The following ERICH3 variants were observed in gnomAD, a reference collection of about 807,000 sequenced individuals.
ERICH3 encodes the protein glutamate-rich protein 3.
In ERICH3, 126 loss-of-function variants were observed where a neutral mutation model predicts 131.1. The ratio of observed to expected loss-of-function variants is 0.96; its 90% confidence interval spans 0.83 to 1.11. ERICH3 has a LOEUF of 1.11. Ranked by LOEUF, ERICH3 falls within the 50% of genes most tolerant of loss-of-function variation. The pLI, the probability that ERICH3 is intolerant of heterozygous loss-of-function variation, is 0.00. For synonymous variants in ERICH3, 695 were observed against 644.6 expected (o/e 1.08, Z -1.18); for missense variants, 2,050 against 1,810.7 (o/e 1.13, Z -2.40).
At chr1:74,614,998 A>G (rs760246075) in intron 8 of ERICH3, among the ~76,000 whole-genome samples, 24 of 152,190 alleles carry the variant, frequency 1.6e-4, no homozygotes, top group Non-Finnish European at 2.6e-4. Context: ...CAGTTCAGGA[A>G]GAGAGTGCAC....
chr1:74,664,420 A>T (rs926038889), intron 1 of ERICH3, among the ~76,000 whole-genome samples: 1 of 152,138 alleles, frequency 6.6e-6, no homozygotes, highest in African/African-American at 2.4e-5. Context: ...CAACAGAAAC[A>T]ATATTATGGC....
intron 1 of ERICH3, among the ~76,000 whole-genome samples, chr1:74,671,727 T>A (rs1420765213): frequency 6.6e-6 from 1 of 152,204 alleles, no homozygotes; most frequent in East Asian, 1.9e-4. Flanking sequence ...CGTATGCACA[T>A]AATAAATATT....
intron 5 of ERICH3, among the ~76,000 whole-genome samples, chr1:74,637,185 C>T (rs1252867025): frequency 6.6e-6 from 1 of 152,106 alleles, no homozygotes; most frequent in African/African-American, 2.4e-5. Flanking sequence ...CCACTAGTGA[C>T]AGGCACTAGC....
rs755326610 is a variant in ERICH3 at position 74,571,700 on chromosome 1, A to G, written c.4010T>C (p.Val1337Ala). The change falls in exon 14 of 15, where the codon GTT (valine) becomes GCT (alanine). Residue 1337 changes from valine (V) to alanine (A), a missense_variant. Val to Ala is a moderately conservative substitution (Grantham distance 64, BLOSUM62 0). Coordinates refer to ENST00000326665, the MANE Select transcript of ERICH3 (RefSeq NM_001002912.5). ...TCCGTGTAGAACTTCCACAGCCACA[A>G]CCCTTCCTCCTCCCATGCCCTCATT... ...QKNEGMGGGRVVAVEVLHGGG... is the reference protein window; with the variant it reads ...QKNEGMGGGRAVAVEVLHGGG... 5.6e-6 allele frequency: 9 copies of G among 1,613,480 alleles called. No individual in the cohort carries two copies. In the East Asian group the frequency reaches 8.9e-5, roughly 16 times the overall value.
At chr1:74,615,936 C>G (rs576026482) in intron 8 of ERICH3, among the ~76,000 whole-genome samples, 1 of 152,218 alleles carries the variant, frequency 6.6e-6, no homozygotes, top group Admixed American at 6.5e-5. Context: ...GGCAAGCTAA[C>G]AGGGAAGGTC....
In ERICH3 at chr1:74,631,923, C is replaced by T. The variant is rs571349247; in HGVS notation, c.609G>A (p.Lys203=). 2 of 1,611,018 alleles carry T rather than the reference C, an allele frequency of 1.2e-6. No individual in the cohort carries two copies. Among genetic ancestry groups the T allele is most frequent in the Admixed American group, 1.7e-5 (1 of 59,880 alleles). The stretch of plus-strand genomic sequence containing the variant: ...AGTTCCTGAACTTCATCACTGCCTT[C>T]TTGCCCTGTAATCATATTTCATCGC... ...ENEALFPIGG[K]KAVMKFRNSI... Residue 203 remains lysine, a synonymous_variant, in exon 7 of 15, where the codon AAG becomes AAA. Transcript: ENST00000326665.
rs773567607 is a variant in ERICH3 at position 74,631,793 on chromosome 1, C to A, written c.739G>T (p.Glu247Ter). The A allele has an allele frequency of 6.2e-7, 1 of 1,613,470 alleles. No homozygotes were observed. Among genetic ancestry groups the A allele is most frequent in the South Asian group, 1.1e-5 (1 of 91,074 alleles). The change falls in exon 7 of 15, where the codon GAA (glutamate) becomes TAA (stop). Residue 247 changes from glutamate (E) to a stop codon, truncating the protein, a stop_gained. Transcript: ENST00000326665. LOFTEE classifies it high-confidence loss of function. ...CTTCTCCATGTTTCAGATCTATTTTCTCTTGTGATTTTCCCAGTTGGGGGA... is the reference window on the plus strand; with the variant it reads ...CTTCTCCATGTTTCAGATCTATTTTATCTTGTGATTTTCCCAGTTGGGGGA... ...PLPPTGKITR[E>*]NRSETWRRRR...
At position 74,571,921 on chromosome 1, in the gene ERICH3, T is replaced by C. The variant is rs1405149399; in HGVS notation, c.3789A>G (p.Gly1263=). ...GLEGRAEGQG[G]VDVVLRTQEA... ...CCTGGGTCCTTAGCACGACATCCAC[T>C]CCTCCTTGCCCTTCAGCTCTCCCCT... is the stretch of plus-strand genomic sequence containing the variant. Residue 1263 remains glycine, a synonymous_variant, in exon 14 of 15, where the codon GGA becomes GGG. Transcript: ENST00000326665. 1 of 1,612,570 alleles carries C rather than the reference T, an allele frequency of 6.2e-7. No individual in the cohort carries two copies. Among genetic ancestry groups the C allele is most frequent in the Non-Finnish European group, 8.5e-7 (1 of 1,179,760 alleles).
intron 11 of ERICH3, among the ~76,000 whole-genome samples, chr1:74,594,901 T>G (rs1227104289): frequency 1.3e-5 from 2 of 152,146 alleles, no homozygotes; most frequent in African/African-American, 4.8e-5. Flanking sequence ...GTTTATTAGC[T>G]GGAAGCACCT....
intron 5 of ERICH3, among the ~76,000 whole-genome samples, chr1:74,640,679 G>C (rs1646430261): frequency 6.6e-6 from 1 of 152,122 alleles, no homozygotes; most frequent in Non-Finnish European, 1.5e-5. Context: ...ACCACTTTTA[G>C]ATTAGAAATG....
intron 1 of ERICH3, among the ~76,000 whole-genome samples, chr1:74,651,371 A>C (rs1646532351): frequency 6.6e-6 from 1 of 152,152 alleles, no homozygotes; most frequent in Non-Finnish European, 1.5e-5. Context: ...TGCAAAAGCC[A>C]TTATTTCCCT....
intron 4 of ERICH3, among the ~76,000 whole-genome samples, chr1:74,642,711 T>C (rs1192285391): frequency 6.6e-6 from 1 of 152,148 alleles, no homozygotes; most frequent in Non-Finnish European, 1.5e-5. Context: ...CATTTTTACC[T>C]TCTTAAGACA....
intron 12 of ERICH3, among the ~76,000 whole-genome samples, chr1:74,582,929 A>AT (rs76381263): frequency 0.091 from 13,832 of 151,988 alleles, 722 homozygotes; most frequent in East Asian, 0.21. Context: ...CTCTTTTCTG[A>AT]TTTTTTTGTA....
intron 13 of ERICH3, among the ~76,000 whole-genome samples, chr1:74,576,199 T>C (rs1454275518): frequency 6.6e-6 from 1 of 152,208 alleles, no homozygotes; most frequent in African/African-American, 2.4e-5. Flanking sequence ...TTATGTAAAA[T>C]GCTTAGCATA....
intron 7 of ERICH3, among the ~76,000 whole-genome samples, chr1:74,630,835 G>C (rs1354342874): frequency 6.6e-6 from 1 of 151,890 alleles, no homozygotes; most frequent in Non-Finnish European, 1.5e-5. Flanking sequence ...GGGCCTTGGG[G>C]ATGAGAGAGA....
At chr1:74,628,901 T>C (rs1649501562) in intron 7 of ERICH3, among the ~76,000 whole-genome samples, 1 of 152,020 alleles carries the variant, frequency 6.6e-6, no homozygotes, top group Non-Finnish European at 1.5e-5. Context: ...AATCCATAAT[T>C]ATAGAGAATG....
chr1:74,659,347 T>C (rs1205487396), intron 1 of ERICH3, among the ~76,000 whole-genome samples: 13 of 143,786 alleles, frequency 9.0e-5, no homozygotes. Context: ...TGTGTGTGTG[T>C]GCCTGTGCAC....
At chr1:74,664,150 A>G (rs1334314188) in intron 1 of ERICH3, among the ~76,000 whole-genome samples, 1 of 152,162 alleles carries the variant, frequency 6.6e-6, no homozygotes, top group Non-Finnish European at 1.5e-5. Flanking sequence ...TAGTTTTAAA[A>G]ACAGAATAAT....
At chr1:74,608,436 C>G (rs1178375726) in intron 9 of ERICH3, among the ~76,000 whole-genome samples, 1 of 151,924 alleles carries the variant, frequency 6.6e-6, no homozygotes, top group African/African-American at 2.4e-5. Flanking sequence ...ACTTGCTAGT[C>G]CCAGAAGAAT....
Sources: gnomAD v4.1 joint callset for allele counts (sites outside exome capture counted in the v4.1 genomes callset) on GRCh38, gnomAD v4.1.1 for gene constraint, MANE v1.5 for transcripts, NCBI Gene and HGNC (gene_info 2026-07-23, HGNC 2026-07-21) for gene names.